Variants in LINGO2 observed in about 807,000 individuals in gnomAD.
The protein encoded by LINGO2 is leucine rich repeat and Ig domain containing 2.
LINGO2 carries 14 observed loss-of-function variants against 30.6 expected under a neutral mutation model. The observed-to-expected ratio is 0.46, with a 90% CI of 0.30 to 0.72. LINGO2 has a LOEUF of 0.72. LINGO2 is among the 30% of genes least tolerant of loss of function. LINGO2 has a pLI of 0.07. For synonymous variants in LINGO2, 317 were observed against 288.5 expected (o/e 1.10, Z -1.00); for missense variants, 729 against 751.7 (o/e 0.97, Z 0.35).
chr9:28,508,551 AT>A (rs1417386661), intron 1 of LINGO2, among the ~76,000 whole-genome samples: 1 of 151,406 alleles, frequency 6.6e-6, no homozygotes, highest in South Asian at 2.1e-4. Context: ...ATGTGAAATG[AT>A]TTTCCTACTT....
intron 2 of LINGO2, among the ~76,000 whole-genome samples, chr9:28,463,840 T>C (rs1825183623): frequency 6.6e-6 from 1 of 152,110 alleles, no homozygotes; most frequent in Non-Finnish European, 1.5e-5. Flanking sequence ...GGAAAAAATA[T>C]CTTTAACAGA....
At chr9:28,932,125 A>T in the LINGO2 span, among the ~76,000 whole-genome samples, 1 of 137,862 alleles carries the variant, frequency 7.3e-6, no homozygotes, top group Non-Finnish European at 1.6e-5. Context: ...AATAAAATAA[A>T]ATAAAATAAG....
intron 1 of LINGO2, among the ~76,000 whole-genome samples, chr9:28,518,759 T>G (rs1820722766): frequency 6.6e-6 from 1 of 152,198 alleles, no homozygotes; most frequent in African/African-American, 2.4e-5. Context: ...CAATAATTGC[T>G]TCGTTGGGCC....
At chr9:28,847,697 T>A in the LINGO2 span, among the ~76,000 whole-genome samples, 4 of 141,312 alleles carry the variant, frequency 2.8e-5, 1 homozygote, top group African/African-American at 8.1e-5. Flanking sequence ...CATCTACATA[T>A]TGACACACTG....
At chr9:28,213,347 A>G (rs1321699088) in intron 4 of LINGO2, among the ~76,000 whole-genome samples, 1 of 151,454 alleles carries the variant, frequency 6.6e-6, no homozygotes, top group African/African-American at 2.4e-5. Flanking sequence ...ATTCTGATGT[A>G]TTGAGCCAAT....
chr9:28,929,922 A>G, the LINGO2 span, among the ~76,000 whole-genome samples: 4 of 152,130 alleles, frequency 2.6e-5, no homozygotes, highest in Non-Finnish European at 5.9e-5. Context: ...TTTCCTTAAC[A>G]CCTTTCTGAG....
chr9:29,049,498 C>T, the LINGO2 span, among the ~76,000 whole-genome samples: 26 of 152,310 alleles, frequency 1.7e-4, no homozygotes, highest in Admixed American at 5.2e-4. Context: ...GATATCTCTA[C>T]TTCTATGTTT....
At chr9:28,142,071 T>A (rs1425311396) in intron 4 of LINGO2, among the ~76,000 whole-genome samples, 3 of 152,146 alleles carry the variant, frequency 2.0e-5, no homozygotes, top group Non-Finnish European at 4.4e-5. Context: ...ATAGAAAGTG[T>A]ATTTGTTGCC....
chr9:28,821,698 A>G, the LINGO2 span, among the ~76,000 whole-genome samples: 1 of 152,216 alleles, frequency 6.6e-6, no homozygotes, highest in Admixed American at 6.5e-5. Context: ...CATACCACAG[A>G]GTAAAGAAAC....
At chr9:27,982,545 T>C (rs1181801219) in intron 5 of LINGO2, among the ~76,000 whole-genome samples, 1 of 151,876 alleles carries the variant, frequency 6.6e-6, no homozygotes, top group Non-Finnish European at 1.5e-5. Context: ...TAACCATATA[T>C]GGTAGGTTAC....
At position 28,443,209 on chromosome 9, in the gene LINGO2, A is replaced by G. The variant is rs112819527; in HGVS notation, c.-279+32731T>C. Among the ~76,000 whole-genome samples, 1,264 of 152,328 alleles carry G rather than the reference A, an allele frequency of 8.3e-3. 19 individuals carry two copies. Among genetic ancestry groups the G allele is most frequent in the African/African-American group, 0.027 (1,133 of 41,572 alleles). On this transcript the variant is annotated intron_variant, in intron 2 of 5. Transcript: ENST00000379992. ...CTTGTTAAAGGTTCTGGCTGGGTAA[A>G]TACATTAGGGTAACAATAACAATAA... is the stretch of plus-strand genomic sequence containing the variant.
At chr9:28,994,245 T>C in the LINGO2 span, among the ~76,000 whole-genome samples, 3 of 152,102 alleles carry the variant, frequency 2.0e-5, no homozygotes, top group Non-Finnish European at 4.4e-5. Context: ...TAGAGCCAAA[T>C]CATGAGTGAA....
intron 4 of LINGO2, among the ~76,000 whole-genome samples, chr9:28,012,892 C>G (rs1288774394): frequency 6.6e-6 from 1 of 152,018 alleles, no homozygotes; most frequent in Non-Finnish European, 1.5e-5. Context: ...TGTTCTCAGT[C>G]TTTGGACAGC....
chr9:28,805,770 G>C, the LINGO2 span, among the ~76,000 whole-genome samples: 3 of 151,990 alleles, frequency 2.0e-5, no homozygotes, highest in African/African-American at 7.3e-5. Flanking sequence ...ACAGAACATT[G>C]AATCCTCTAG....
intron 4 of LINGO2, among the ~76,000 whole-genome samples, chr9:28,280,669 G>C (rs1487892722): frequency 6.6e-6 from 1 of 152,078 alleles, no homozygotes; most frequent in African/African-American, 2.4e-5. Flanking sequence ...TGAATGGTTG[G>C]TTATGCATTT....
At chr9:28,318,255 A>G (rs1824915051) in intron 3 of LINGO2, among the ~76,000 whole-genome samples, 1 of 152,206 alleles carries the variant, frequency 6.6e-6, no homozygotes, top group African/African-American at 2.4e-5. Flanking sequence ...AAATACATTG[A>G]GTGACAACTC....
chr9:28,238,886 C>A (rs546587048), intron 4 of LINGO2, among the ~76,000 whole-genome samples: 19 of 151,228 alleles, frequency 1.3e-4, no homozygotes, highest in Middle Eastern at 3.4e-3. Flanking sequence ...AATTAACAAA[C>A]CTTTAGCCAG....
At chr9:28,090,054 A>T (rs1171766511) in intron 4 of LINGO2, among the ~76,000 whole-genome samples, 1 of 152,186 alleles carries the variant, frequency 6.6e-6, no homozygotes, top group Non-Finnish European at 1.5e-5. Context: ...CAGGCTCTGA[A>T]ATTGAGGCAA....
chr9:27,974,998 T>C (rs958540942), intron 5 of LINGO2, among the ~76,000 whole-genome samples: 9 of 152,142 alleles, frequency 5.9e-5, no homozygotes, highest in Non-Finnish European at 1.3e-4. Context: ...TCCACATTGT[T>C]CATTCTGTTG....
Sources: gnomAD v4.1 joint callset for allele counts (sites outside exome capture counted in the v4.1 genomes callset) on GRCh38, gnomAD v4.1.1 for gene constraint, MANE v1.5 for transcripts, NCBI Gene and HGNC (gene_info 2026-07-23, HGNC 2026-07-21) for gene names.